Variants in BCOR observed in about 807,000 individuals in gnomAD.
BCOR encodes BCL-6 corepressor.
BCOR carries 10 observed loss-of-function variants against 86.7 expected under a neutral mutation model. The ratio of observed to expected loss-of-function variants is 0.12; its 90% CI spans 0.07 to 0.20. The LOEUF is 0.20. BCOR is among the 10% of genes least tolerant of loss of function. The pLI is 1.00. For missense variants in BCOR, 1,259 were observed against 1,452.1 expected, an observed-to-expected ratio of 0.87 and a Z score of 2.16; for synonymous variants, 611 against 609.0, an observed-to-expected ratio of 1.00 and a Z score of -0.05.
intron 1 of BCOR, among the ~76,000 whole-genome samples, chrX:40,105,203 C>T (rs1937152875): frequency 9.0e-6 from 1 of 110,940 alleles, no homozygotes; most frequent in Non-Finnish European, 1.9e-5. Flanking sequence ...GGGGCTGGGC[C>T]GAGACCACCC....
At chrX:40,107,536 T>C (rs1186412515) in intron 1 of BCOR, among the ~76,000 whole-genome samples, 1 of 113,522 alleles carries the variant, frequency 8.8e-6, no homozygotes, top group Non-Finnish European at 1.9e-5. Context: ...CCTCTGCTAG[T>C]GTCGGTCCTG....
At chrX:40,063,549 G>T in intron 8 of BCOR, 59 bp downstream of exon 8, 1 of 989,545 alleles carries the variant, frequency 1.0e-6, no homozygotes, top group Non-Finnish European at 1.4e-6. Flanking sequence ...TTCCTACAGA[G>T]AGTGGATGAC....
intron 1 of BCOR, among the ~76,000 whole-genome samples, chrX:40,091,766 T>G (rs1463010849): frequency 1.8e-5 from 2 of 112,702 alleles, no homozygotes; most frequent in Non-Finnish European, 3.8e-5. Flanking sequence ...CGGCTTCTCC[T>G]GGCTCTACCA....
At chrX:40,097,986 T>TC (rs1355245353), upstream of BCOR, among the ~76,000 whole-genome samples, 1 of 102,657 alleles carries the variant, frequency 9.7e-6, no homozygotes. Flanking sequence ...TCCCAACGCG[T>TC]CCCCCCTCCC....
intron 1 of BCOR, among the ~76,000 whole-genome samples, chrX:40,130,676 C>T (rs12388938): frequency 8.9e-6 from 1 of 112,100 alleles, no homozygotes; most frequent in African/African-American, 3.2e-5. Flanking sequence ...GCAGGTTCCT[C>T]GGAGTGCTAA....
chrX:40,176,487 C>A (rs1289707338), intron 1 of BCOR, among the ~76,000 whole-genome samples: 1 of 112,566 alleles, frequency 8.9e-6, no homozygotes, highest in East Asian at 2.8e-4. Flanking sequence ...ACAAGGCCGG[C>A]GACTACAAGA....
chrX:40,054,127 T>C (rs1448593863), intron 13 of BCOR, 85 bp from the exon 14 acceptor site: 6 of 1,132,842 alleles, frequency 5.3e-6, no homozygotes, highest in Non-Finnish European at 7.2e-6. Flanking sequence ...GGAGTTTAAA[T>C]AACAAGATTC....
intron 1 of BCOR, among the ~76,000 whole-genome samples, chrX:40,080,981 A>G (rs28644351): frequency 0.11 from 3,097 of 27,034 alleles, 61 homozygotes; most frequent in South Asian, 0.47. Flanking sequence ...ACGCGCACAC[A>G]CACACGCGCA....
rs1012303691 is a variant in BCOR, at chrX:40,051,490, T to C, written c.*619A>G. 1.7e-5 allele frequency: 3 copies of C among 172,099 alleles called. No homozygotes were observed. The highest frequency in any genetic ancestry group is 3.3e-5 in the Non-Finnish European group (3 of 89,935). 14.2% of individuals were successfully genotyped at this position (172,099 alleles called of 1,213,427 possible). A position where few individuals can be genotyped will look rare whatever the true frequency, so the allele number is the denominator to read the frequency against. On this transcript the variant is annotated 3_prime_UTR_variant, in exon 15 of 15. Coordinates refer to ENST00000378444, the MANE Select transcript of BCOR (RefSeq NM_001123385.2). ...GTCTTCTTTAAATAAGAGCATAAAATGTTTAAACATATAAACAATCCGGTT... is the reference window on the plus strand; with the variant it reads ...GTCTTCTTTAAATAAGAGCATAAAACGTTTAAACATATAAACAATCCGGTT...
intron 13 of BCOR, 63 bp downstream of exon 13, chrX:40,054,193 C>A: frequency 5.3e-6 from 6 of 1,130,477 alleles, no homozygotes; most frequent in Non-Finnish European, 7.2e-6. Flanking sequence ...TCACCCATAC[C>A]AGACAGAAAT....
Position 40,107,442 on chromosome X carries a change from C to A in BCOR, c.-40-29473G>T, listed in dbSNP as rs1937211992. 6.2e-5 allele frequency among the ~76,000 whole-genome samples: 7 copies of A among 112,220 alleles called. No individual in the cohort carries two copies. In the South Asian group the frequency reaches 2.6e-3, roughly 41 times the overall value. On this transcript the variant is annotated intron_variant, in intron 1 of 14. Transcript: ENST00000342274. ...ACCCAAGCGCGCGCGCTCCCTAGCTCGACGCGCAAGCCGTGGCTCTCCGCG... is the reference window on the plus strand; with the variant it reads ...ACCCAAGCGCGCGCGCTCCCTAGCTAGACGCGCAAGCCGTGGCTCTCCGCG...
intron 1 of BCOR, among the ~76,000 whole-genome samples, chrX:40,092,824 C>T (rs1306211838): frequency 8.9e-6 from 1 of 112,441 alleles, no homozygotes; most frequent in Non-Finnish European, 1.9e-5. Context: ...CCCTCAGTTT[C>T]CTTCAAGCCA....
At chrX:40,091,731 G>C (rs946224189) in intron 1 of BCOR, among the ~76,000 whole-genome samples, 8 of 113,394 alleles carry the variant, frequency 7.1e-5, no homozygotes, top group African/African-American at 2.6e-4. Flanking sequence ...GGCGGCTGGG[G>C]GGAGACCATT....
Position 40,173,816 on chromosome X carries a change from G to A in BCOR, c.-41+3191C>T, listed in dbSNP as rs753045971. Reference sequence around the variant, plus strand: ...CCACCTCTTTAAATCAGTTCTCGGAGGAGTTGGCCAAAAGCCATGTCCTCT... The same window carrying A: ...CCACCTCTTTAAATCAGTTCTCGGAAGAGTTGGCCAAAAGCCATGTCCTCT... On this transcript the variant is annotated intron_variant, in intron 1 of 14. Transcript: ENST00000342274. 8.9e-5 allele frequency among the ~76,000 whole-genome samples: 10 copies of A among 112,763 alleles called. No individual in the cohort carries two copies. The South Asian group carries it at 3.7e-3, about 42-fold the overall frequency.
intron 1 of BCOR, among the ~76,000 whole-genome samples, chrX:40,094,223 A>G (rs1936744106): frequency 9.0e-6 from 1 of 111,481 alleles, no homozygotes; most frequent in Non-Finnish European, 1.9e-5. Flanking sequence ...CAGCTCACAG[A>G]GTCTGCTGCC....
chrX:40,155,644 T>TG lies in BCOR; in HGVS notation c.-41+21362dup, dbSNP rs575490803. 6.1e-3 allele frequency among the ~76,000 whole-genome samples: 586 copies of TG among 95,865 alleles called. 3 individuals are homozygous for TG. Among genetic ancestry groups the TG allele is most frequent in the South Asian group, 0.01 (22 of 2,162 alleles). The allele number at this position is 95,865 out of a possible 115,157, so 83.2% of individuals were successfully genotyped here. A position where few individuals can be genotyped will look rare whatever the true frequency, so the allele number is the denominator to read the frequency against. On this transcript the variant is annotated intron_variant, in intron 1 of 14. Transcript: ENST00000342274. ...GGCGCCTGGAAGTAGGGAGGGGGTG[T>TG]GGGGGGGGGAAAGACCCTCGCCGAG...
chrX:40,084,519 C>CA (rs1156806494), intron 1 of BCOR, among the ~76,000 whole-genome samples: 4 of 111,790 alleles, frequency 3.6e-5, no homozygotes, highest in African/African-American at 1.3e-4. Context: ...TCCCTCCACG[C>CA]AAAAAGAAAC....
At chrX:40,176,252 C>A (rs762164831) in intron 1 of BCOR, among the ~76,000 whole-genome samples, 77 of 112,710 alleles carry the variant, frequency 6.8e-4, no homozygotes, top group African/African-American at 2.4e-3. Context: ...CCCGCGTCTT[C>A]CCTCGCCCGC....
At chrX:40,081,610 C>G (rs968923886) in intron 1 of BCOR, among the ~76,000 whole-genome samples, 2 of 112,433 alleles carry the variant, frequency 1.8e-5, no homozygotes, top group African/African-American at 3.2e-5. Context: ...CTCCACCCCC[C>G]ACTTCTTCCA....
Sources: gnomAD v4.1 joint callset for allele counts (sites outside exome capture counted in the v4.1 genomes callset) on GRCh38, gnomAD v4.1.1 for gene constraint, MANE v1.5 for transcripts, NCBI Gene and HGNC (gene_info 2026-07-23, HGNC 2026-07-21) for gene names.